RALY: variants seen among roughly 807,000 people sequenced by gnomAD.
RALY encodes the protein RNA-binding protein Raly.
In RALY, 15 loss-of-function variants were observed where a neutral mutation model predicts 30.7. The ratio of observed to expected loss-of-function variants is 0.49; its 90% CI spans 0.33 to 0.75. The LOEUF (loss-of-function observed/expected upper bound fraction) is 0.75, where lower values mean the gene tolerates loss of function less well. RALY is among the 30% of genes least tolerant of loss of function. The pLI is 0.02. For missense variants in RALY, 339 were observed against 414.3 expected, an observed-to-expected ratio of 0.82 and a Z score of 1.58; for synonymous variants, 177 against 170.8, an observed-to-expected ratio of 1.04 and a Z score of -0.28.
At chr20:34,079,541 C>T (rs759703729) in intron 9 of RALY, among the ~76,000 whole-genome samples, 2 of 152,156 alleles carry the variant, frequency 1.3e-5, no homozygotes, top group Non-Finnish European at 2.9e-5. Flanking sequence ...CAAAGGCTTC[C>T]AGAAGAGCTT....
intron 1 of RALY, among the ~76,000 whole-genome samples, chr20:34,028,312 A>G (rs968305257): frequency 1.3e-5 from 2 of 151,812 alleles, no homozygotes; most frequent in Non-Finnish European, 1.5e-5. Flanking sequence ...AAATCTTATA[A>G]CTGACTAGGT....
At chr20:34,075,798 G>A (rs559578411) in intron 5 of RALY, 76 bp from the exon 6 acceptor site, 48 of 1,480,122 alleles carry the variant, frequency 3.2e-5, no homozygotes, top group East Asian at 3.2e-4. Context: ...AGCCACACAC[G>A]TTTGTAGCCG....
intron 2 of RALY, among the ~76,000 whole-genome samples, chr20:34,063,615 C>G (rs563018797): frequency 1.4e-4 from 22 of 152,130 alleles, no homozygotes; most frequent in Admixed American, 1.4e-3. Flanking sequence ...TTTTGTTCTC[C>G]CTCAAGGCAA....
At chr20:34,010,839 T>C (rs1484497803) in intron 1 of RALY, among the ~76,000 whole-genome samples, 1 of 152,172 alleles carries the variant, frequency 6.6e-6, no homozygotes, top group Non-Finnish European at 1.5e-5. Context: ...GGGATTGCTG[T>C]GTTTGTGGAA....
intron 2 of RALY, among the ~76,000 whole-genome samples, chr20:34,056,516 T>C (rs946531689): frequency 6.6e-6 from 1 of 152,234 alleles, no homozygotes; most frequent in African/African-American, 2.4e-5. Flanking sequence ...TATTAACCTC[T>C]GTAGTTTTAT....
At chr20:34,071,167 AT>A (rs1052176656) in intron 2 of RALY, among the ~76,000 whole-genome samples, 42 of 152,188 alleles carry the variant, frequency 2.8e-4, no homozygotes, top group African/African-American at 1.0e-3. Flanking sequence ...ACAATTAGAC[AT>A]GAGATTTGGG....
intron 1 of RALY, among the ~76,000 whole-genome samples, chr20:33,997,740 C>T (rs1393651887): frequency 2.6e-5 from 4 of 152,094 alleles, no homozygotes; most frequent in Non-Finnish European, 4.4e-5. Context: ...GCCCTTTGAC[C>T]GTTTTCTGTG....
chr20:34,064,944 G>T (rs1014877496), intron 2 of RALY: 1 of 152,170 alleles, frequency 6.6e-6, no homozygotes, highest in Admixed American at 6.5e-5. Flanking sequence ...GATAGGTCTC[G>T]GATTGGAACT....
chr20:34,028,309 A>G (rs1374335516), intron 1 of RALY, among the ~76,000 whole-genome samples: 1 of 151,736 alleles, frequency 6.6e-6, no homozygotes, highest in Non-Finnish European at 1.5e-5. Flanking sequence ...AAGAAATCTT[A>G]TAACTGACTA....
chr20:34,045,421 G>A (rs1456883566), intron 2 of RALY, among the ~76,000 whole-genome samples: 29 of 152,296 alleles, frequency 1.9e-4, no homozygotes, highest in Non-Finnish European at 2.9e-5. Flanking sequence ...TAATTAGAAG[G>A]CAGCCAGTGT....
rs767957342 is a variant in RALY, at chr20:34,077,020, C to T, written c.659-8C>T. On this transcript the variant is annotated splice_polypyrimidine_tract_variant and splice_region_variant and intron_variant, in intron 7 of 9. Coordinates refer to ENST00000246194, the MANE Select transcript of RALY (RefSeq NM_016732.3). ...TTATTCTCCCCTCCTCCACCCCTTCCCCTCAAGATGGCAAGAAGAAGGGTG... is the reference window on the plus strand; with the variant it reads ...TTATTCTCCCCTCCTCCACCCCTTCTCCTCAAGATGGCAAGAAGAAGGGTG... 61 of 1,610,512 alleles carry T rather than the reference C, an allele frequency of 3.8e-5. No homozygotes were observed. Among genetic ancestry groups the T allele is most frequent in the Admixed American group, 6.7e-5 (4 of 59,628 alleles).
intron 1 of RALY, among the ~76,000 whole-genome samples, chr20:34,021,278 A>T (rs1179130708): frequency 6.6e-6 from 1 of 152,120 alleles, no homozygotes; most frequent in Non-Finnish European, 1.5e-5. Flanking sequence ...TCACCGTCTT[A>T]GTCCATTTTG....
rs2032278676 is a variant in RALY, at chr20:34,031,531, ATTCC to A, written c.-82_-79del. The A allele has an allele frequency of 2.0e-5, 3 of 152,154 alleles. No homozygotes were observed. The highest frequency in any genetic ancestry group is 7.2e-5 in the African/African-American group (3 of 41,426). The allele number at this position is 152,154 out of a possible 1,614,324, so 9.4% of individuals were successfully genotyped here. ...TCTCTCTCTATTGTAGGTGAGCCCTATTCCCAGAGGCAGGTGGTGCTGACCCTGT... is the reference window on the plus strand; with the variant it reads ...TCTCTCTCTATTGTAGGTGAGCCCTACAGAGGCAGGTGGTGCTGACCCTGT... On this transcript the variant is annotated 5_prime_UTR_variant, in exon 2 of 10. Coordinates refer to ENST00000246194, the MANE Select transcript of RALY (RefSeq NM_016732.3).
At chr20:33,997,355 A>G (rs2030689263) in intron 1 of RALY, among the ~76,000 whole-genome samples, 2 of 152,140 alleles carry the variant, frequency 1.3e-5, no homozygotes, top group African/African-American at 4.8e-5. Flanking sequence ...ACCTCAGGTG[A>G]TCCTCCTGTC....
chr20:34,045,117 G>A lies in RALY; in HGVS notation c.-10+13513G>A, dbSNP rs142085921. Among the ~76,000 whole-genome samples the A allele has an allele frequency of 1.2e-4, 18 of 152,112 alleles. No individual in the cohort carries two copies. In the East Asian group the frequency reaches 3.5e-3, roughly 29 times the overall value. On this transcript the variant is annotated intron_variant, in intron 2 of 9. Transcript: ENST00000246194. Reference sequence around the variant, plus strand: ...TGTAGAGCCAGGGTCTCCCTACGTTGCCTAGGATGGTCTCAACATCTTGGG... The same window carrying A: ...TGTAGAGCCAGGGTCTCCCTACGTTACCTAGGATGGTCTCAACATCTTGGG...
chr20:33,994,365 C>G (rs2030483930), intron 1 of RALY: 1 of 152,912 alleles, frequency 6.5e-6, no homozygotes, highest in South Asian at 2.1e-4. Flanking sequence ...GGTCCTGCTC[C>G]CGGCGTTCCC....
intron 2 of RALY, among the ~76,000 whole-genome samples, chr20:34,035,460 C>A (rs988136244): frequency 6.6e-6 from 1 of 152,010 alleles, no homozygotes; most frequent in Non-Finnish European, 1.5e-5. Context: ...TAGAGAGGGA[C>A]GTGTAGGCAG....
intron 2 of RALY, among the ~76,000 whole-genome samples, chr20:34,050,156 T>C (rs1287371171): frequency 6.6e-6 from 1 of 152,170 alleles, no homozygotes; most frequent in Non-Finnish European, 1.5e-5. Context: ...AAGTGCACTT[T>C]ACAGATGGGC....
intron 1 of RALY, among the ~76,000 whole-genome samples, chr20:34,001,432 G>A (rs1254564110): frequency 6.6e-6 from 1 of 152,110 alleles, no homozygotes; most frequent in Non-Finnish European, 1.5e-5. Flanking sequence ...TATTTGTCAA[G>A]GTAAGACTCA....
Sources: allele counts gnomAD v4.1 joint callset (sites outside exome capture counted in the v4.1 genomes callset), GRCh38; gene constraint gnomAD v4.1.1; transcripts MANE v1.5; gene names NCBI Gene and HGNC (gene_info 2026-07-23, HGNC 2026-07-21).